RALYL: variants seen among roughly 807,000 people sequenced by gnomAD.
RALYL encodes the protein RALY RNA binding protein like.
RALYL carries 29 observed loss-of-function variants against 35.1 expected under a neutral mutation model. The ratio of observed to expected loss-of-function variants is 0.83; its 90% CI spans 0.61 to 1.13. RALYL has a LOEUF of 1.13. Ranked by LOEUF, RALYL falls within the 50% of genes most tolerant of loss-of-function variation. RALYL has a pLI of 0.00. For synonymous variants in RALYL, 120 were observed against 127.6 expected (o/e 0.94, Z 0.40); for missense variants, 359 against 360.4 (o/e 1.00, Z 0.03).
chr8:84,417,643 CTG>C (rs747544601), intron 1 of RALYL, among the ~76,000 whole-genome samples: 2 of 151,656 alleles, frequency 1.3e-5, no homozygotes, highest in Non-Finnish European at 2.9e-5. Flanking sequence ...TGGGAAATAA[CTG>C]TCTTCAGATA....
At chr8:84,197,587 T>C (rs1264154366) in intron 1 of RALYL, among the ~76,000 whole-genome samples, 1 of 152,150 alleles carries the variant, frequency 6.6e-6, no homozygotes, top group African/African-American at 2.4e-5. Flanking sequence ...CTACTTCCCC[T>C]TGATCTCCAT....
intron 5 of RALYL, among the ~76,000 whole-genome samples, chr8:84,860,337 A>T (rs893370172): frequency 6.6e-6 from 1 of 152,190 alleles, no homozygotes; most frequent in East Asian, 1.9e-4. Context: ...TGGTCCTGCT[A>T]AAAGAGCTTG....
intron 1 of RALYL, among the ~76,000 whole-genome samples, chr8:84,322,300 A>G (rs530409540): frequency 6.6e-6 from 1 of 152,260 alleles, no homozygotes; most frequent in Admixed American, 6.5e-5. Context: ...AGAAAGGGAA[A>G]GTGATAGAGG....
chr8:84,530,516 C>A (rs867965314), intron 2 of RALYL, among the ~76,000 whole-genome samples: 1 of 151,634 alleles, frequency 6.6e-6, no homozygotes, highest in Middle Eastern at 3.4e-3. Context: ...TGATTCTTAA[C>A]TTCCCCCATC....
intron 2 of RALYL, among the ~76,000 whole-genome samples, chr8:84,759,119 C>T (rs962737860): frequency 6.6e-6 from 1 of 152,092 alleles, no homozygotes; most frequent in African/African-American, 2.4e-5. Context: ...CCTCTTCTTC[C>T]CTCCTCTTCC....
At chr8:84,669,938 G>A (rs1189314390) in intron 2 of RALYL, among the ~76,000 whole-genome samples, 4 of 152,202 alleles carry the variant, frequency 2.6e-5, no homozygotes, top group South Asian at 2.1e-4. Flanking sequence ...CATTTCAACC[G>A]ATTCCTAGTC....
chr8:84,310,245 T>A (rs914253540), intron 1 of RALYL, among the ~76,000 whole-genome samples: 2 of 151,960 alleles, frequency 1.3e-5, no homozygotes, highest in African/African-American at 2.4e-5. Flanking sequence ...TTCACCATGT[T>A]GTCCTGGCTG....
chr8:84,693,194 T>C (rs1210220531), intron 2 of RALYL, among the ~76,000 whole-genome samples: 1 of 151,982 alleles, frequency 6.6e-6, no homozygotes, highest in Non-Finnish European at 1.5e-5. Flanking sequence ...TGGGGATAAA[T>C]GTATTAGCCC....
At chr8:84,551,753 G>A (rs1389630866) in intron 2 of RALYL, among the ~76,000 whole-genome samples, 4 of 152,030 alleles carry the variant, frequency 2.6e-5, no homozygotes. Context: ...ATTTATTCTT[G>A]GCTGTATTTC....
chr8:84,614,332 T>A (rs1818957462), intron 2 of RALYL, among the ~76,000 whole-genome samples: 1 of 151,640 alleles, frequency 6.6e-6, no homozygotes, highest in Non-Finnish European at 1.5e-5. Context: ...GAGCTAATAT[T>A]ATAGGAATGA....
chr8:84,617,489 T>G (rs1006029428), intron 2 of RALYL, among the ~76,000 whole-genome samples: 1 of 150,222 alleles, frequency 6.7e-6, no homozygotes, highest in Non-Finnish European at 1.5e-5. Context: ...AAGGAGATTT[T>G]GGGCTGAGAC....
At chr8:84,348,982 G>T (rs1334997764) in intron 1 of RALYL, among the ~76,000 whole-genome samples, 1 of 150,132 alleles carries the variant, frequency 6.7e-6, no homozygotes, top group Admixed American at 6.6e-5. Flanking sequence ...CCTGAAACAG[G>T]CTGGGTAGGG....
At position 84,388,396 on chromosome 8, in the gene RALYL, T is replaced by C. The variant is rs578134747; in HGVS notation, c.-23-140903T>C. ...CTGGGTCAAATGGTATTTGTAGTTC[T>C]AGATCCCTGAGGAATCGCCACACTG... On this transcript the variant is annotated intron_variant, in intron 1 of 8. Transcript: ENST00000521268. 2.2e-4 allele frequency among the ~76,000 whole-genome samples: 34 copies of C among 152,324 alleles called. No homozygotes were observed. The East Asian group carries it at 3.7e-3, about 16-fold the overall frequency.
intron 1 of RALYL, among the ~76,000 whole-genome samples, chr8:84,486,840 G>A (rs560313090): frequency 5.9e-5 from 9 of 151,968 alleles, no homozygotes; most frequent in Admixed American, 1.3e-4. Context: ...TTAACATAAG[G>A]TCTACCCTCT....
chr8:84,838,655 A>G (rs1048864783), intron 4 of RALYL, among the ~76,000 whole-genome samples: 14 of 152,244 alleles, frequency 9.2e-5, no homozygotes, highest in Non-Finnish European at 1.3e-4. Context: ...ATACTTAGCT[A>G]TAACTGGTTC....
intron 2 of RALYL, among the ~76,000 whole-genome samples, chr8:84,730,452 G>T (rs1167306293): frequency 6.6e-6 from 1 of 152,080 alleles, no homozygotes; most frequent in Non-Finnish European, 1.5e-5. Flanking sequence ...AAAACTGGAA[G>T]CATTCCCTTT....
At chr8:84,890,032 T>TATA (rs1292155826) in intron 8 of RALYL, among the ~76,000 whole-genome samples, 1 of 152,196 alleles carries the variant, frequency 6.6e-6, no homozygotes, top group Non-Finnish European at 1.5e-5. Flanking sequence ...TAAATATCTT[T>TATA]ATAAACTATC....
At chr8:84,881,244 G>A (rs1842130988) in intron 7 of RALYL, among the ~76,000 whole-genome samples, 1 of 151,800 alleles carries the variant, frequency 6.6e-6, no homozygotes, top group Non-Finnish European at 1.5e-5. Context: ...TTTCTAAATG[G>A]AATTTATTGG....
At chr8:84,752,140 TGAG>T (rs569743718) in intron 2 of RALYL, among the ~76,000 whole-genome samples, 181 of 152,258 alleles carry the variant, frequency 1.2e-3, no homozygotes, top group African/African-American at 4.1e-3. Flanking sequence ...CAGATGGAGA[TGAG>T]GAGCTTATTG....
Sources: gnomAD v4.1 joint callset for allele counts (sites outside exome capture counted in the v4.1 genomes callset) on GRCh38, gnomAD v4.1.1 for gene constraint, MANE v1.5 for transcripts, NCBI Gene and HGNC (gene_info 2026-07-23, HGNC 2026-07-21) for gene names.